Variants in B4GALNT1 observed in about 807,000 individuals in gnomAD.
B4GALNT1 encodes the protein beta-1,4-N-acetyl-galactosaminyltransferase 1.
Under a neutral mutation model 55.2 loss-of-function variants are expected in B4GALNT1, and 43 were observed. That is an observed-to-expected ratio of 0.78 (90% CI 0.61 to 1.00). B4GALNT1 has a LOEUF of 1.00. Among genes scored for constraint, B4GALNT1 ranks in the 50% least tolerant of loss-of-function variants. The pLI, the probability that B4GALNT1 is intolerant of heterozygous loss-of-function variation, is 0.00. For missense variants in B4GALNT1, 664 were observed against 729.7 expected (o/e 0.91, Z 1.04); for synonymous variants, 305 against 311.6 (o/e 0.98, Z 0.22).
Position 57,625,392 on chromosome 12 carries a change from T to C in B4GALNT1, c.*1352A>G. ...ACCCTCTGATCTGGGACTTAACCCC[T>C]TTGCCCCATCCCTGCAGCTGGCCAG... On this transcript the variant is annotated 3_prime_UTR_variant, in exon 11 of 11. Coordinates refer to ENST00000341156, the MANE Select transcript of B4GALNT1 (RefSeq NM_001478.5). 6.2e-7 allele frequency: 1 copy of C among 1,614,096 alleles called. No homozygotes were observed. Among genetic ancestry groups the C allele is most frequent in the Non-Finnish European group, 8.5e-7 (1 of 1,180,008 alleles).
chr12:57,631,479 C>T, intron 2 of B4GALNT1, 115 bp from the exon 3 acceptor site: 1 of 1,222,548 alleles, frequency 8.2e-7, no homozygotes, highest in East Asian at 2.4e-5. Flanking sequence ...TGTCTAGGCT[C>T]TGTCCCCTTA....
At chr12:57,629,982 C>T in intron 6 of B4GALNT1, 170 bp downstream of exon 6, 1 of 1,539,506 alleles carries the variant, frequency 6.5e-7, no homozygotes, top group East Asian at 2.4e-5. Context: ...GAACAAAGGC[C>T]CCCTTTCTCC....
chr12:57,628,289 G>A (rs746083828), intron 8 of B4GALNT1, 27 bp from the exon 9 acceptor site: 34 of 1,613,324 alleles, frequency 2.1e-5, no homozygotes, highest in Admixed American at 1.7e-5. Flanking sequence ...TGTGGTTGGG[G>A]AGGCTGCAGA....
chr12:57,624,932 C>A lies in B4GALNT1; in HGVS notation c.*1812G>T. 2.5e-6 allele frequency: 4 copies of A among 1,614,164 alleles called. No homozygotes were observed. Among genetic ancestry groups the A allele is most frequent in the Non-Finnish European group, 3.4e-6 (4 of 1,180,030 alleles). ...ACCACTGTACTTTGGGACCCGTGGG[C>A]AGTTTCGCTGCAACCTGGAGTGGCA... On this transcript the variant is annotated 3_prime_UTR_variant, in exon 11 of 11. Transcript: ENST00000341156.
At position 57,632,006 on chromosome 12, in the gene B4GALNT1, G is replaced by C; in HGVS notation, c.127C>G (p.Pro43Ala). 6.9e-7 allele frequency: 1 copy of C among 1,452,476 alleles called. No homozygotes were observed. Among genetic ancestry groups the C allele is most frequent in the Non-Finnish European group, 9.1e-7 (1 of 1,102,662 alleles). 90.0% of individuals were successfully genotyped at this position (1,452,476 alleles called of 1,614,324 possible). Residue 43 changes from proline (P) to alanine (A), a missense_variant, in exon 2 of 11, where the codon CCG (proline) becomes GCG (alanine). Physicochemically the swap from Pro to Ala is conservative, Grantham distance 27 (BLOSUM62 -1). Coordinates refer to ENST00000341156, the MANE Select transcript of B4GALNT1 (RefSeq NM_001478.5). Reference protein sequence around the residue: ...LRLPLAPWAPPQSPRRPELPD... With the variant: ...LRLPLAPWAPAQSPRRPELPD... ...AGCTCGGGCCTGCGGGGGCTTTGCG[G>C]GGGCGCCCACGGCGCAAGAGGTAGC...
chr12:57,627,602 A>AG lies in B4GALNT1; in HGVS notation c.1384+15dup. The AG allele has an allele frequency of 6.4e-7, 1 of 1,568,562 alleles. No individual in the cohort carries two copies. Among genetic ancestry groups the AG allele is most frequent in the Non-Finnish European group, 8.7e-7 (1 of 1,151,630 alleles). ...GGGGCTCCTGCCAGGGTCGACCGGG[A>AG]GGGGGTGCCACTCACCCAGATGAGC... On this transcript the variant is annotated intron_variant, in intron 10 of 10. Transcript: ENST00000341156.
rs1169980994 is a variant in B4GALNT1, at chr12:57,633,164, G to C, written c.-394C>G. On this transcript the variant is annotated 5_prime_UTR_variant, in exon 1 of 11. Coordinates refer to ENST00000341156, the MANE Select transcript of B4GALNT1 (RefSeq NM_001478.5). ...CGCAGCGCAGCGCGGCTCAGCTCCC[G>C]GCTCGTTGCGGCTGCTTCGGCTCCG... 1 of 152,238 alleles carries C rather than the reference G, an allele frequency of 6.6e-6. No individual in the cohort carries two copies. The highest frequency in any genetic ancestry group is 1.5e-5 in the Non-Finnish European group (1 of 68,050). 9.4% of individuals were successfully genotyped at this position (152,238 alleles called of 1,614,324 possible).
In B4GALNT1 at chr12:57,625,850, C is replaced by A. The variant is rs1009172555; in HGVS notation, c.*894G>T. The A allele has an allele frequency of 7.7e-7, 1 of 1,299,092 alleles. No homozygotes were observed. The highest frequency in any genetic ancestry group is 1.0e-6 in the Non-Finnish European group (1 of 997,342). 80.5% of individuals were successfully genotyped at this position (1,299,092 alleles called of 1,614,324 possible). A position where few individuals can be genotyped will look rare whatever the true frequency, so the allele number is the denominator to read the frequency against. On this transcript the variant is annotated 3_prime_UTR_variant, in exon 11 of 11. Coordinates refer to ENST00000341156, the MANE Select transcript of B4GALNT1 (RefSeq NM_001478.5). The stretch of plus-strand genomic sequence containing the variant: ...ACGGAATGAATAGTAGATTGAAGAC[C>A]AAATCAGGGAGCCCGGGCTGAGCTA...
rs373827719 is a variant in B4GALNT1 at position 57,629,013 on chromosome 12, T to G, written c.811+35A>C. The G allele has an allele frequency of 1.1e-5, 18 of 1,590,270 alleles. 1 individual carries two copies. The highest frequency in any genetic ancestry group is 1.3e-5 in the Non-Finnish European group (15 of 1,164,174). ...CTCCCAACTTGCTCCCCACCAAGGC[T>G]GGTTCTAATATGTCCCTGCCCCTAC... On this transcript the variant is annotated intron_variant, in intron 7 of 10. Coordinates refer to ENST00000341156, the MANE Select transcript of B4GALNT1 (RefSeq NM_001478.5).
rs1438651475 is a variant in B4GALNT1 at position 57,623,934 on chromosome 12, G to A, written c.*2810C>T. On this transcript the variant is annotated 3_prime_UTR_variant, in exon 11 of 11. Coordinates refer to ENST00000341156, the MANE Select transcript of B4GALNT1 (RefSeq NM_001478.5). The stretch of plus-strand genomic sequence containing the variant: ...CCAAGGTAATGAGCAGAGGAGGCAT[G>A]AGCATGGCTGGGAGGGGTAGCTGTA... The A allele has an allele frequency of 1.2e-6, 2 of 1,613,806 alleles. No homozygotes were observed. The highest frequency in any genetic ancestry group is 1.7e-4 in the Middle Eastern group (1 of 6,060).
intron 1 of B4GALNT1, chr12:57,632,550 G>T: frequency 3.7e-6 from 1 of 271,302 alleles, no homozygotes; most frequent in Non-Finnish European, 7.2e-6. Context: ...CCTGGGCCGG[G>T]GTGGGCTGCG....
Position 57,627,754 on chromosome 12 carries a change from C to A in B4GALNT1, c.1248G>T (p.Arg416Ser). 1 of 1,609,550 alleles carries A rather than the reference C, an allele frequency of 6.2e-7. No individual in the cohort carries two copies. The highest frequency in any genetic ancestry group is 2.2e-5 in the East Asian group (1 of 44,668). The change falls in exon 10 of 11, where the codon AGG becomes AGT. Residue 416 changes from arginine to serine, a missense_variant. Physicochemically the swap from Arg to Ser is moderately radical, Grantham distance 110 (BLOSUM62 -1). Transcript: ENST00000341156. ...APGLGNCLRQ[R>S]RGFHHELVGF... ...CGACGAGCTCGTGGTGGAAGCCGCGCCTTTGCCGGAGGCAGTTCCCGAGGC... is the reference window on the plus strand; with the variant it reads ...CGACGAGCTCGTGGTGGAAGCCGCGACTTTGCCGGAGGCAGTTCCCGAGGC...
chr12:57,628,455 G>A (rs1005578101), intron 8 of B4GALNT1, 193 bp from the exon 9 acceptor site: 15 of 903,414 alleles, frequency 1.7e-5, no homozygotes, highest in Non-Finnish European at 4.9e-6. Context: ...CTTAGAATGC[G>A]TTTAATTTCC....
chr12:57,628,596 G>T, intron 8 of B4GALNT1, 117 bp downstream of exon 8: 1 of 1,246,700 alleles, frequency 8.0e-7, no homozygotes, highest in Non-Finnish European at 1.1e-6. Context: ...ATGCTTAACA[G>T]GCACCCCATG....
rs1395435962 is a variant in B4GALNT1, at chr12:57,627,653, C to T, written c.1349G>A (p.Gly450Asp). 1.2e-6 allele frequency: 2 copies of T among 1,603,190 alleles called. No individual in the cohort carries two copies. Among genetic ancestry groups the T allele is most frequent in the Non-Finnish European group, 1.7e-6 (2 of 1,172,544 alleles). ...LARTDKVREV[G>D]FDPRLSRVAH... ...CACGCGGCTGAGGCGGGGGTCGAAA[C>T]CGACCTCGCGCACCTTGTCAGTCCG... The change falls in exon 10 of 11, where the codon GGT (glycine) becomes GAT (aspartate). Residue 450 changes from glycine (G) to aspartate (D), a missense_variant. By Grantham distance (94) the Gly-to-Asp change is moderately conservative (BLOSUM62 -1). Coordinates refer to ENST00000341156, the MANE Select transcript of B4GALNT1 (RefSeq NM_001478.5).
Position 57,632,051 on chromosome 12 carries a change from G to T in B4GALNT1, c.82C>A (p.Arg28=). 6.9e-7 allele frequency: 1 copy of T among 1,444,806 alleles called. No individual in the cohort carries two copies. The highest frequency in any genetic ancestry group is 2.6e-5 in the East Asian group (1 of 39,086). The allele number at this position is 1,444,806 out of a possible 1,614,324, so 89.5% of individuals were successfully genotyped here. A position where few individuals can be genotyped will look rare whatever the true frequency, so the allele number is the denominator to read the frequency against. The change falls in exon 2 of 11, where the codon CGG becomes AGG. Residue 28 remains arginine (R), a synonymous_variant. Coordinates refer to ENST00000341156, the MANE Select transcript of B4GALNT1 (RefSeq NM_001478.5). ...ASLGLLYAST[R]DAPGLRLPLA... ...GGTAGCCGGAGGCCGGGCGCGTCCC[G>T]GGTGCTCGCGTACAGGAGCCCCAGC...
rs1160174452 is a variant in B4GALNT1, at chr12:57,630,122, C to T, written c.712+30G>A. 6 of 1,614,118 alleles carry T rather than the reference C, an allele frequency of 3.7e-6. No individual in the cohort carries two copies. The Admixed American group carries it at 6.7e-5, about 18-fold the overall frequency. On this transcript the variant is annotated intron_variant, in intron 6 of 10. Coordinates refer to ENST00000341156, the MANE Select transcript of B4GALNT1 (RefSeq NM_001478.5). Reference sequence around the variant, plus strand: ...TTCTGGTTCTTCTCTGTTTGCCCAGCCTGCCCGTCTCTCCACCCAGGCCTT... The same window carrying T: ...TTCTGGTTCTTCTCTGTTTGCCCAGTCTGCCCGTCTCTCCACCCAGGCCTT...
chr12:57,624,102 A>G lies in B4GALNT1; in HGVS notation c.*2642T>C. 6.2e-7 allele frequency: 1 copy of G among 1,613,794 alleles called. No homozygotes were observed. Among genetic ancestry groups the G allele is most frequent in the Non-Finnish European group, 8.5e-7 (1 of 1,179,844 alleles). On this transcript the variant is annotated 3_prime_UTR_variant, in exon 11 of 11. Transcript: ENST00000341156. ...GCACATCAGCCGAGTGGACTTTGTGAGAAATGCCATTACCCCCAGATTGCC... is the reference window on the plus strand; with the variant it reads ...GCACATCAGCCGAGTGGACTTTGTGGGAAATGCCATTACCCCCAGATTGCC...
At position 57,623,785 on chromosome 12, in the gene B4GALNT1, G is replaced by T. The variant is rs770271939; in HGVS notation, c.*2959C>A. ...TGGGCAGGAAGACCAGCTCTCATGT[G>T]GGGGTGGGAGGCTCTCTTCCTTTTT... On this transcript the variant is annotated 3_prime_UTR_variant, in exon 11 of 11. Transcript: ENST00000341156. The T allele has an allele frequency of 5.7e-5, 87 of 1,516,470 alleles. No homozygotes were observed. The highest frequency in any genetic ancestry group is 7.1e-5 in the Non-Finnish European group (78 of 1,102,528). The allele number at this position is 1,516,470 out of a possible 1,614,324, so 93.9% of individuals were successfully genotyped here.
Sources: allele counts gnomAD v4.1 joint callset, GRCh38; gene constraint gnomAD v4.1.1; transcripts MANE v1.5; gene names NCBI Gene and HGNC (gene_info 2026-07-23, HGNC 2026-07-21).